ATE1: variants seen among roughly 807,000 people sequenced by gnomAD.
ATE1 encodes arginyl-tRNA--protein transferase 1.
ATE1 carries 36 observed loss-of-function variants against 70.5 expected under a neutral mutation model. The observed-to-expected ratio is 0.51, with a 90% confidence interval of 0.39 to 0.67. The LOEUF is 0.67. ATE1 is among the 30% of genes least tolerant of loss of function. The pLI, the probability that ATE1 is intolerant of heterozygous loss-of-function variation, is 0.00. For missense variants in ATE1, 593 were observed against 629.5 expected (o/e 0.94, Z 0.62); for synonymous variants, 232 against 219.3 (o/e 1.06, Z -0.51).
chr10:121,862,532 ATTTTTTTT>A (rs35130703), intron 8 of ATE1, among the ~76,000 whole-genome samples: 2 of 105,380 alleles, frequency 1.9e-5, no homozygotes. Flanking sequence ...AATTTTTTTA[ATTTTTTTT>A]TTTTTTTTTT....
At chr10:121,803,236 C>T (rs1946964256) in intron 10 of ATE1, among the ~76,000 whole-genome samples, 1 of 152,108 alleles carries the variant, frequency 6.6e-6, no homozygotes, top group Non-Finnish European at 1.5e-5. Context: ...ACCGAATTCT[C>T]AATAAATACT....
At chr10:121,789,989 T>C (rs1024333515) in intron 11 of ATE1, among the ~76,000 whole-genome samples, 180 bp downstream of exon 11, 1 of 150,850 alleles carries the variant, frequency 6.6e-6, no homozygotes, top group Admixed American at 6.7e-5. Flanking sequence ...TGTGCCAAAC[T>C]GCGTGAGTTT....
intron 1 of ATE1, among the ~76,000 whole-genome samples, chr10:121,925,214 A>G (rs920056465): frequency 1.3e-5 from 2 of 152,188 alleles, no homozygotes; most frequent in African/African-American, 4.8e-5. Flanking sequence ...TGAGGTCAGG[A>G]GTTTGAGACC....
intron 5 of ATE1, among the ~76,000 whole-genome samples, chr10:121,910,192 T>C (rs976207353): frequency 6.6e-6 from 1 of 152,214 alleles, no homozygotes; most frequent in Admixed American, 6.5e-5. Context: ...ATGTGTAACA[T>C]AGTTTAGACA....
At chr10:121,842,066 G>C (rs746582936) in intron 8 of ATE1, among the ~76,000 whole-genome samples, 5 of 152,134 alleles carry the variant, frequency 3.3e-5, no homozygotes, top group African/African-American at 1.2e-4. Context: ...GCTCTGAGAA[G>C]GTACACAATC....
intron 7 of ATE1, among the ~76,000 whole-genome samples, chr10:121,887,257 ATGG>A (rs1425587938): frequency 6.6e-6 from 1 of 152,176 alleles, no homozygotes; most frequent in African/African-American, 2.4e-5. Flanking sequence ...TGGGGTCAGA[ATGG>A]ACTCATCACG....
At chr10:121,877,439 C>T (rs963795351) in intron 7 of ATE1, among the ~76,000 whole-genome samples, 1 of 151,874 alleles carries the variant, frequency 6.6e-6, no homozygotes, top group Non-Finnish European at 1.5e-5. Flanking sequence ...TTAGATTCTT[C>T]CAAAATAATA....
Position 121,790,182 on chromosome 10 carries a change from C to G in ATE1, c.1365G>C (p.Gln455His). ...CTCCAAACATACCTGCTTCTGGGTC[C>G]TGGTTGAAACGGCAGTACTTGGAGT... ...LENSKYCRFN[Q>H]DPEAVDEDRS... The change falls in exon 11 of 12, where the codon CAG becomes CAC. Residue 455 changes from glutamine to histidine, a missense_variant. By Grantham distance (24) the Gln-to-His change is conservative (BLOSUM62 0). Around this residue, in one of 3 missense-constraint regions of ATE1, gnomAD observed 90 missense variants for 93.7 expected, o/e 0.96. Coordinates refer to ENST00000224652, the MANE Select transcript of ATE1 (RefSeq NM_001001976.3). 6.2e-7 allele frequency: 1 copy of G among 1,614,006 alleles called. No individual in the cohort carries two copies. Among genetic ancestry groups the G allele is most frequent in the Non-Finnish European group, 8.5e-7 (1 of 1,179,932 alleles).
chr10:121,829,896 AT>A (rs1948170368), intron 10 of ATE1, among the ~76,000 whole-genome samples: 1 of 152,162 alleles, frequency 6.6e-6, no homozygotes, highest in Non-Finnish European at 1.5e-5. Context: ...AATTTTAACT[AT>A]TTTTGTAGCC....
Position 121,841,310 on chromosome 10 carries a change from T to C in ATE1, c.976-47A>G, listed in dbSNP as rs1379424293. Reference sequence around the variant, plus strand: ...AACAGCCATTTTTTTAATATTAAAATAATCTTATAATTAATATATACTTTC... The same window carrying C: ...AACAGCCATTTTTTTAATATTAAAACAATCTTATAATTAATATATACTTTC... On this transcript the variant is annotated intron_variant, in intron 8 of 11. Coordinates refer to ENST00000224652, the MANE Select transcript of ATE1 (RefSeq NM_001001976.3). 17 of 1,200,086 alleles carry C rather than the reference T, an allele frequency of 1.4e-5. No individual in the cohort carries two copies. In the Admixed American group the frequency reaches 4.6e-4, roughly 33 times the overall value. The allele number at this position is 1,200,086 out of a possible 1,614,324, so 74.3% of individuals were successfully genotyped here.
At chr10:121,824,338 G>A (rs750372378) in intron 10 of ATE1, among the ~76,000 whole-genome samples, 3 of 152,136 alleles carry the variant, frequency 2.0e-5, no homozygotes, top group Non-Finnish European at 2.9e-5. Flanking sequence ...GCATCACCCC[G>A]GCCTGCAAGG....
intron 8 of ATE1, among the ~76,000 whole-genome samples, chr10:121,847,754 CT>C (rs1457365098): frequency 1.7e-5 from 1 of 60,532 alleles, no homozygotes; most frequent in Non-Finnish European, 2.8e-5. Flanking sequence ...GAGACTCTGT[CT>C]CAAAAAAAAA....
chr10:121,922,411 TC>T lies in ATE1; in HGVS notation c.171-1del. Reference sequence around the variant, plus strand: ...CAGGTTTGTACACATATTTTCCACTTCTAAAATTATAAAAATAGTTTGTTAA... The same window carrying T: ...CAGGTTTGTACACATATTTTCCACTTTAAAATTATAAAAATAGTTTGTTAA... On this transcript the variant is annotated splice_acceptor_variant, in intron 2 of 11. Coordinates refer to ENST00000224652, the MANE Select transcript of ATE1 (RefSeq NM_001001976.3). LOFTEE classifies it high-confidence loss of function. The T allele has an allele frequency of 6.3e-7, 1 of 1,583,528 alleles. No homozygotes were observed. The highest frequency in any genetic ancestry group is 8.7e-7 in the Non-Finnish European group (1 of 1,155,348).
chr10:121,877,289 G>GA (rs556594185), intron 7 of ATE1, among the ~76,000 whole-genome samples: 1 of 152,142 alleles, frequency 6.6e-6, no homozygotes, highest in Non-Finnish European at 1.5e-5. Flanking sequence ...ATGTTTAAGA[G>GA]AAAAAAACAC....
At chr10:121,854,665 TG>T (rs1949179846) in intron 8 of ATE1, among the ~76,000 whole-genome samples, 1 of 152,078 alleles carries the variant, frequency 6.6e-6, no homozygotes, top group African/African-American at 2.4e-5. Flanking sequence ...TCCCCAGGGA[TG>T]GTAGTAATGA....
chr10:121,923,655 T>C (rs1345409258), intron 2 of ATE1, among the ~76,000 whole-genome samples: 1 of 152,208 alleles, frequency 6.6e-6, no homozygotes, highest in Non-Finnish European at 1.5e-5. Flanking sequence ...TACTTATATT[T>C]ACACAAGGAA....
intron 8 of ATE1, among the ~76,000 whole-genome samples, chr10:121,857,443 T>C (rs1949288257): frequency 6.6e-6 from 1 of 152,226 alleles, no homozygotes. Context: ...ATCATTTTGT[T>C]CTTTATTATG....
intron 7 of ATE1, among the ~76,000 whole-genome samples, chr10:121,895,507 G>A (rs532701837): frequency 2.6e-5 from 4 of 152,026 alleles, no homozygotes; most frequent in South Asian, 2.1e-4. Context: ...CCAGCTACTC[G>A]GGAGGCTGAA....
chr10:121,880,486 G>A (rs945860734), intron 7 of ATE1, among the ~76,000 whole-genome samples: 3 of 151,166 alleles, frequency 2.0e-5, no homozygotes, highest in African/African-American at 2.4e-5. Context: ...CCACAGTCCA[G>A]GAAAAAGTAA....
Sources: gnomAD v4.1 joint callset for allele counts (sites outside exome capture counted in the v4.1 genomes callset) on GRCh38, gnomAD v4.1.1 for gene constraint, gnomAD v4.1.1 regional missense constraint, MANE v1.5 for transcripts, NCBI Gene and HGNC (gene_info 2026-07-23, HGNC 2026-07-21) for gene names.